SVIL: variants seen among roughly 807,000 people sequenced by gnomAD.
SVIL encodes archvillin.
Under a neutral mutation model 240.4 loss-of-function variants are expected in SVIL, and 101 were observed. The observed-to-expected ratio is 0.42, with a 90% CI of 0.36 to 0.50. SVIL has a LOEUF of 0.50. Ranked by LOEUF, SVIL falls within the 20% of genes least tolerant of loss-of-function variation. The pLI, the probability that SVIL is intolerant of heterozygous loss-of-function variation, is 0.01. For missense variants in SVIL, 2,512 were observed against 2,818.7 expected, an observed-to-expected ratio of 0.89 and a Z score of 2.46; for synonymous variants, 999 against 1,100.0, an observed-to-expected ratio of 0.91 and a Z score of 1.82.
At position 29,550,814 on chromosome 10, in the gene SVIL, T is replaced by C. The variant is rs753141981; in HGVS notation, c.610A>G (p.Asn204Asp). 1 of 1,614,060 alleles carries C rather than the reference T, an allele frequency of 6.2e-7. No homozygotes were observed. Among genetic ancestry groups the C allele is most frequent in the Non-Finnish European group, 8.5e-7 (1 of 1,180,026 alleles). ...CTCAGCTCTTGACCTCGTCTTTGGTTTTCTATGTTCAGCAGCACCTCCGGG... is the reference window on the plus strand; with the variant it reads ...CTCAGCTCTTGACCTCGTCTTTGGTCTTCTATGTTCAGCAGCACCTCCGGG... Reference protein sequence around the residue: ...SDPEVLLNIENQRRGQELSAT... With the variant: ...SDPEVLLNIEDQRRGQELSAT... Residue 204 changes from asparagine to aspartate, a missense_variant, in exon 6 of 38, where the codon AAC (asparagine) becomes GAC (aspartate). This residue lies in a region of SVIL where 1,443 missense variants were observed against 1,486.6 expected (regional missense o/e 0.97). Transcript: ENST00000355867.
intron 1 of SVIL, among the ~76,000 whole-genome samples, chr10:29,722,125 C>T (rs1964023390): frequency 1.3e-5 from 2 of 151,222 alleles, no homozygotes; most frequent in Admixed American, 6.6e-5. Context: ...GTAATTCCAG[C>T]TACTGGGGAG....
At chr10:29,696,613 G>A (rs1962036011) in intron 1 of SVIL, among the ~76,000 whole-genome samples, 1 of 151,488 alleles carries the variant, frequency 6.6e-6, no homozygotes, top group South Asian at 2.1e-4. Context: ...CGCCCCGTCT[G>A]GGATGTGAGG....
intron 29 of SVIL, among the ~76,000 whole-genome samples, chr10:29,475,157 C>T (rs1946056715): frequency 6.6e-6 from 1 of 152,192 alleles, no homozygotes. Flanking sequence ...TCCCAAATAG[C>T]TGGGACTACA....
intron 6 of SVIL, among the ~76,000 whole-genome samples, chr10:29,547,641 T>C (rs1952813907): frequency 6.6e-6 from 1 of 152,212 alleles, no homozygotes; most frequent in African/African-American, 2.4e-5. Context: ...AGATTTTAAC[T>C]CATACGAAAT....
At chr10:29,473,768 C>T (rs1588865164) in intron 30 of SVIL, 70 bp downstream of exon 30, 26 of 1,600,362 alleles carry the variant, frequency 1.6e-5, no homozygotes, top group East Asian at 6.7e-5. Context: ...GGGACCAGGC[C>T]GAGTGCCATC....
At chr10:29,479,968 A>C (rs1261610105) in intron 29 of SVIL, among the ~76,000 whole-genome samples, 5 of 152,132 alleles carry the variant, frequency 3.3e-5, no homozygotes, top group Non-Finnish European at 7.4e-5. Context: ...AGTGTTTTGC[A>C]ATGGGGTCCG....
At chr10:29,491,096 C>G in intron 21 of SVIL, 77 bp from the exon 22 acceptor site, 2 of 1,445,460 alleles carry the variant, frequency 1.4e-6, no homozygotes, top group Non-Finnish European at 1.8e-6. Context: ...TTGGACTCCA[C>G]AAAGTATTTC....
At chr10:29,591,991 C>G (rs1182499717) in intron 1 of SVIL, among the ~76,000 whole-genome samples, 1 of 152,236 alleles carries the variant, frequency 6.6e-6, no homozygotes, top group Non-Finnish European at 1.5e-5. Context: ...TGGCTCATGC[C>G]TGTAATCCCA....
At chr10:29,532,350 C>T (rs1482597964) in intron 8 of SVIL, among the ~76,000 whole-genome samples, 178 bp from the exon 9 acceptor site, 1 of 152,258 alleles carries the variant, frequency 6.6e-6, no homozygotes, top group Non-Finnish European at 1.5e-5. Flanking sequence ...ACTAGTTCCC[C>T]ATTAGTAGGC....
rs541273430 is a variant in SVIL, at chr10:29,498,687, A to C, written c.3664+429T>G. ...TATAGAATGTCAGTAAGTTTAAAAA[A>C]TTTTAAAAGAAGGCTGGGCATGGTG... is the stretch of plus-strand genomic sequence containing the variant. On this transcript the variant is annotated intron_variant, in intron 18 of 37. Transcript: ENST00000355867. Among the ~76,000 whole-genome samples, 3 of 152,326 alleles carry C rather than the reference A, an allele frequency of 2.0e-5. No individual in the cohort carries two copies. The East Asian group carries it at 5.8e-4, about 29-fold the overall frequency.
intron 1 of SVIL, among the ~76,000 whole-genome samples, chr10:29,588,068 A>G (rs1281584699): frequency 1.3e-5 from 2 of 152,082 alleles, no homozygotes; most frequent in African/African-American, 4.8e-5. Flanking sequence ...AATTTCCTTC[A>G]GCTTTTAGCC....
At chr10:29,499,038 A>G in intron 18 of SVIL, 78 bp downstream of exon 18, 1 of 1,546,058 alleles carries the variant, frequency 6.5e-7, no homozygotes, top group Non-Finnish European at 8.8e-7. Context: ...ATCACGTACC[A>G]CCATGCCCTC....
chr10:29,588,849 T>C (rs1956273262), intron 1 of SVIL, among the ~76,000 whole-genome samples: 1 of 152,162 alleles, frequency 6.6e-6, no homozygotes, highest in Non-Finnish European at 1.5e-5. Context: ...AAAATGTAGA[T>C]TCACAGAATG....
chr10:29,673,038 C>A (rs535259779), intron 2 of SVIL, among the ~76,000 whole-genome samples: 2 of 152,088 alleles, frequency 1.3e-5, no homozygotes, highest in Admixed American at 1.3e-4. Flanking sequence ...CTCAGCCTCC[C>A]GAGTAGCTGG....
intron 6 of SVIL, among the ~76,000 whole-genome samples, chr10:29,549,771 A>C (rs1422120508): frequency 7.0e-6 from 1 of 142,774 alleles, no homozygotes; most frequent in South Asian, 2.2e-4. Flanking sequence ...CTATCGCAAA[A>C]ACAAAAAACC....
chr10:29,582,377 G>T (rs1442758033), intron 1 of SVIL, among the ~76,000 whole-genome samples: 8 of 152,158 alleles, frequency 5.3e-5, no homozygotes, highest in Non-Finnish European at 8.8e-5. Context: ...CGCCAAGGAC[G>T]ATTCTGACCT....
intron 1 of SVIL, among the ~76,000 whole-genome samples, chr10:29,583,692 G>A (rs985064735): frequency 6.6e-5 from 10 of 152,184 alleles, no homozygotes; most frequent in East Asian, 1.9e-4. Flanking sequence ...AGGGGAGGGC[G>A]TGTTTGTGAT....
At chr10:29,526,905 T>C (rs1564575634) in intron 13 of SVIL, 56 bp downstream of exon 13, 4 of 1,355,574 alleles carry the variant, frequency 3.0e-6, no homozygotes, top group East Asian at 2.6e-5. Context: ...TTAGGATGCA[T>C]CTGCTGTTCG....
intron 1 of SVIL, among the ~76,000 whole-genome samples, chr10:29,576,905 G>A (rs554548479): frequency 6.6e-6 from 1 of 151,628 alleles, no homozygotes; most frequent in South Asian, 2.1e-4. Flanking sequence ...TTTTTTAGAC[G>A]AAGTCTTGCT....
Sources: gnomAD v4.1 joint callset for allele counts (sites outside exome capture counted in the v4.1 genomes callset) on GRCh38, gnomAD v4.1.1 for gene constraint, gnomAD v4.1.1 regional missense constraint, MANE v1.5 for transcripts, NCBI Gene and HGNC (gene_info 2026-07-23, HGNC 2026-07-21) for gene names.